The following PRELID2 variants were observed in gnomAD, a reference collection of about 807,000 sequenced individuals.
PRELID2 encodes the protein PRELI domain-containing protein 2.
Under a neutral mutation model 28.4 loss-of-function variants are expected in PRELID2, and 25 were observed. The observed-to-expected ratio is 0.88, with a 90% CI of 0.64 to 1.23. The LOEUF (loss-of-function observed/expected upper bound fraction) is 1.23. PRELID2 is among the 50% of genes most tolerant of loss of function. The pLI, the probability that PRELID2 is intolerant of heterozygous loss-of-function variation, is 0.00. For missense variants in PRELID2, 201 were observed against 214.4 expected (o/e 0.94, Z 0.39); for synonymous variants, 76 against 71.6 (o/e 1.06, Z -0.31).
Position 145,502,894 on chromosome 5 carries a change from A to G in PRELID2, n.71-29579T>C, listed in dbSNP as rs547073416. On this transcript the variant is annotated intron_variant and non_coding_transcript_variant, in intron 1 of 2. Coordinates refer to the PRELID2 transcript ENST00000510259. ...TATAGATATCACTAATAAGGACTTC[A>G]AATAAATGAGGGCTATCTGAAAGAT... Among the ~76,000 whole-genome samples, 8 of 152,096 alleles carry G rather than the reference A, an allele frequency of 5.3e-5. No individual in the cohort carries two copies. The East Asian group carries it at 1.4e-3, about 26-fold the overall frequency.
At chr5:145,321,656 A>G in the PRELID2 span, among the ~76,000 whole-genome samples, 1 of 152,170 alleles carries the variant, frequency 6.6e-6, no homozygotes, top group Non-Finnish European at 1.5e-5. Flanking sequence ...TGACGTTTGG[A>G]TATTGATTTA....
the PRELID2 span, among the ~76,000 whole-genome samples, chr5:145,316,729 A>C: frequency 6.6e-6 from 1 of 152,238 alleles, no homozygotes; most frequent in Non-Finnish European, 1.5e-5. Flanking sequence ...AATATACCTA[A>C]GAAAATACCA....
chr5:145,264,362 C>T, the PRELID2 span, among the ~76,000 whole-genome samples: 1 of 152,040 alleles, frequency 6.6e-6, no homozygotes, highest in African/African-American at 2.4e-5. Context: ...AAATGTAATA[C>T]ACCACATACA....
chr5:145,664,839 A>G (rs1283404149), intron 1 of PRELID2, among the ~76,000 whole-genome samples: 1 of 152,108 alleles, frequency 6.6e-6, no homozygotes, highest in Non-Finnish European at 1.5e-5. Context: ...TGCTACAAGG[A>G]ATGGTCCTGA....
chr5:145,755,605 C>A (rs1757235711), downstream of PRELID2, among the ~76,000 whole-genome samples: 1 of 152,162 alleles, frequency 6.6e-6, no homozygotes, highest in South Asian at 2.1e-4. Flanking sequence ...TGGCTGGTAT[C>A]ATTGCTTTAA....
intron 1 of PRELID2, among the ~76,000 whole-genome samples, chr5:145,612,499 GT>G (rs1404641462): frequency 2.6e-5 from 4 of 152,014 alleles, no homozygotes; most frequent in Non-Finnish European, 5.9e-5. Flanking sequence ...GGTACAGGTG[GT>G]GTTTGGTTAC....
At chr5:145,539,917 A>G in intron 1 of PRELID2, among the ~76,000 whole-genome samples, 1 of 152,018 alleles carries the variant, frequency 6.6e-6, no homozygotes, top group South Asian at 2.1e-4. Flanking sequence ...AAACAACTAG[A>G]AAGAAATAAG....
chr5:145,373,177 TAA>T, the PRELID2 span, among the ~76,000 whole-genome samples: 1 of 42,112 alleles, frequency 2.4e-5, no homozygotes, highest in Non-Finnish European at 3.8e-5. Context: ...ACAACATATA[TAA>T]TATATATGAT....
In PRELID2 at chr5:145,790,721, G is replaced by GTGTGTA. The variant is rs772901344; in HGVS notation, c.474+5720_474+5721insTACACA. On this transcript the variant is annotated intron_variant, in intron 5 of 6. Coordinates refer to ENST00000683046, the MANE Select transcript of PRELID2 (RefSeq NM_205846.3). ...CCACATTGTGTGTGTGTGTGTGTGT[G>GTGTGTA]TATATATATATATATATATATATAT... 2.4e-3 allele frequency among the ~76,000 whole-genome samples: 267 copies of GTGTGTA among 110,890 alleles called. 2 individuals carry two copies. The highest frequency in any genetic ancestry group is 7.3e-3 in the African/African-American group (238 of 32,666). 72.7% of individuals were successfully genotyped at this position (110,890 alleles called of 152,430 possible). A position where few individuals can be genotyped will look rare whatever the true frequency, so the allele number is the denominator to read the frequency against.
the PRELID2 span, among the ~76,000 whole-genome samples, chr5:145,357,767 T>C: frequency 6.6e-6 from 1 of 152,218 alleles, no homozygotes; most frequent in Non-Finnish European, 1.5e-5. Flanking sequence ...TTATCCTGGT[T>C]AAGAACCATT....
chr5:145,815,520 A>G (rs978843717), intron 4 of PRELID2, among the ~76,000 whole-genome samples: 1 of 152,140 alleles, frequency 6.6e-6, no homozygotes, highest in African/African-American at 2.4e-5. Context: ...GGACATTTTC[A>G]TCACCCCAAA....
chr5:145,326,920 C>T, the PRELID2 span, among the ~76,000 whole-genome samples: 13 of 151,624 alleles, frequency 8.6e-5, no homozygotes, highest in Non-Finnish European at 1.8e-4. Flanking sequence ...AAATGTAAGC[C>T]AAGAATTGGG....
At chr5:145,277,780 G>T in the PRELID2 span, among the ~76,000 whole-genome samples, 1 of 152,174 alleles carries the variant, frequency 6.6e-6, no homozygotes. Context: ...AGGATGTAAA[G>T]GCTGACTCTC....
chr5:145,652,024 G>T (rs185058799), intron 1 of PRELID2, among the ~76,000 whole-genome samples: 1 of 152,090 alleles, frequency 6.6e-6, no homozygotes, highest in Non-Finnish European at 1.5e-5. Context: ...TAGACAGATG[G>T]CTAACCAAAA....
At chr5:145,236,311 C>A in the PRELID2 span, among the ~76,000 whole-genome samples, 1 of 152,058 alleles carries the variant, frequency 6.6e-6, no homozygotes, top group Non-Finnish European at 1.5e-5. Flanking sequence ...TCAGGACCTC[C>A]CAAACTTCTT....
chr5:145,830,684 T>C (rs1465199198), intron 1 of PRELID2, among the ~76,000 whole-genome samples: 1 of 152,216 alleles, frequency 6.6e-6, no homozygotes, highest in Non-Finnish European at 1.5e-5. Context: ...GAATAAACTA[T>C]TTTGGGTTTC....
intron 1 of PRELID2, chr5:145,729,043 A>G (rs556478919): frequency 1.1e-5 from 7 of 644,880 alleles, no homozygotes; most frequent in Admixed American, 7.3e-5. Flanking sequence ...GTGAAATACT[A>G]CATAATAAAT....
At chr5:145,726,765 A>G (rs1756178720) in intron 1 of PRELID2, among the ~76,000 whole-genome samples, 1 of 152,216 alleles carries the variant, frequency 6.6e-6, no homozygotes, top group Admixed American at 6.5e-5. Flanking sequence ...TTTCACACTG[A>G]CAGCTTTCCA....
In PRELID2 at chr5:145,740,868, CGATAAATATA is replaced by C. The variant is rs1756682000; in HGVS notation, n.70+24053_70+24062del. On this transcript the variant is annotated intron_variant and non_coding_transcript_variant, in intron 1 of 2. Transcript: ENST00000510259. ...TAAATATATATGTACATATATTTAT[CGATAAATATA>C]TATGTACATATATTTATCGATAAAT... is the stretch of plus-strand genomic sequence containing the variant. Among the ~76,000 whole-genome samples the C allele has an allele frequency of 4.1e-5, 2 of 48,206 alleles. 1 individual carries two copies. Among genetic ancestry groups the C allele is most frequent in the Non-Finnish European group, 7.9e-5 (2 of 25,394 alleles). 31.6% of individuals were successfully genotyped at this position (48,206 alleles called of 152,430 possible).
Sources: gnomAD v4.1 joint callset for allele counts (sites outside exome capture counted in the v4.1 genomes callset) on GRCh38, gnomAD v4.1.1 for gene constraint, MANE v1.5 for transcripts, NCBI Gene and HGNC (gene_info 2026-07-23, HGNC 2026-07-21) for gene names.